Variants in TWNK observed in about 807,000 individuals in gnomAD.
The protein encoded by TWNK is twinkle mtDNA helicase.
TWNK carries 36 observed loss-of-function variants against 58.2 expected under a neutral mutation model. That is an observed-to-expected ratio of 0.62 (90% CI 0.47 to 0.82). TWNK has a LOEUF of 0.82. Among genes scored for constraint, TWNK ranks in the 40% least tolerant of loss-of-function variants. The pLI is 0.00. For synonymous variants in TWNK, 349 were observed against 348.5 expected, an observed-to-expected ratio of 1.00 and a Z score of -0.02; for missense variants, 714 against 881.0, an observed-to-expected ratio of 0.81 and a Z score of 2.40.
Position 100,993,555 on chromosome 10 carries a change from C to T in TWNK, c.*45C>T, listed in dbSNP as rs746422995. Reference sequence around the variant, plus strand: ...ACTGAAATGAGCCTGATAGGATAGGCTGGAGCATAAAACTCTGCAAGGGCT... The same window carrying T: ...ACTGAAATGAGCCTGATAGGATAGGTTGGAGCATAAAACTCTGCAAGGGCT... On this transcript the variant is annotated 3_prime_UTR_variant, in exon 5 of 5. Transcript: ENST00000311916. The T allele has an allele frequency of 6.2e-7, 1 of 1,602,112 alleles. No homozygotes were observed. Among genetic ancestry groups the T allele is most frequent in the South Asian group, 1.1e-5 (1 of 90,508 alleles).
At position 100,988,231 on chromosome 10, in the gene TWNK, T is replaced by G; in HGVS notation, c.21T>G (p.Ser7Arg). The G allele has an allele frequency of 6.2e-7, 1 of 1,614,154 alleles. No individual in the cohort carries two copies. Among genetic ancestry groups the G allele is most frequent in the Non-Finnish European group, 8.5e-7 (1 of 1,180,028 alleles). MWVLLRSGYPLRILLPL... is the reference protein window; with the variant it reads MWVLLRRGYPLRILLPL... Reference sequence around the variant, plus strand: ...TAGGAATGTGGGTCCTCCTCCGAAGTGGGTACCCCCTCCGTATCTTGTTAC... The same window carrying G: ...TAGGAATGTGGGTCCTCCTCCGAAGGGGGTACCCCCTCCGTATCTTGTTAC... Residue 7 changes from serine (S) to arginine (R), a missense_variant, in exon 1 of 5, where the codon AGT becomes AGG. By Grantham distance (110) the Ser-to-Arg change is moderately radical (BLOSUM62 -1). Coordinates refer to ENST00000311916, the MANE Select transcript of TWNK (RefSeq NM_021830.5). This position sits in a 1 kb window ranked among gnomAD's most constrained non-coding sequence, Gnocchi z 5.2.
Position 100,993,468 on chromosome 10 carries a change from C to T in TWNK, c.2013C>T (p.Ala671=), listed in dbSNP as rs1851842774. 6.2e-7 allele frequency: 1 copy of T among 1,614,136 alleles called. No homozygotes were observed. The highest frequency in any genetic ancestry group is 8.5e-7 in the Non-Finnish European group (1 of 1,180,022). Residue 671 remains alanine, a synonymous_variant, in exon 5 of 5, where the codon GCC becomes GCT. Transcript: ENST00000311916. ...ACTCTGAGATTTGCTCAGGCCAGGC[C>T]CCCACTCCCGACCAGCCAGACACCT... ...TQNSEICSGQ[A]PTPDQPDTSK...
Position 100,987,647 on chromosome 10 carries a change from TCGGAGTAGTAGAG to T in TWNK, c.-557_-545del, listed in dbSNP as rs1397448749. On this transcript the variant is annotated 5_prime_UTR_variant, in exon 1 of 5. Coordinates refer to ENST00000311916, the MANE Select transcript of TWNK (RefSeq NM_021830.5). ...GGGCTGGGGGCCGGCGCGGCGGAGC[TCGGAGTAGTAGAG>T]CGGAGTGAAGACACGGGGGAGGATA... The T allele has an allele frequency of 5.8e-6, 4 of 683,944 alleles. No individual in the cohort carries two copies. The highest frequency in any genetic ancestry group is 9.7e-6 in the Non-Finnish European group (4 of 414,226). The allele number at this position is 683,944 out of a possible 1,614,324, so 42.4% of individuals were successfully genotyped here.
In TWNK at chr10:100,993,597, C is replaced by G. The variant is rs563995859; in HGVS notation, c.*87C>G. ...GCAAGGGCTCCTCTATCCTGTGGTC[C>G]TGAGCTGTGTGCCCTTCTCAGTCTG... On this transcript the variant is annotated 3_prime_UTR_variant, in exon 5 of 5. Transcript: ENST00000311916. 123 of 1,450,334 alleles carry G rather than the reference C, an allele frequency of 8.5e-5. No homozygotes were observed. In the East Asian group the frequency reaches 2.9e-3, roughly 35 times the overall value. The allele number at this position is 1,450,334 out of a possible 1,614,324, so 89.8% of individuals were successfully genotyped here. A position where few individuals can be genotyped will look rare whatever the true frequency, so the allele number is the denominator to read the frequency against.
Position 100,993,422 on chromosome 10 carries a change from A to G in TWNK, c.1967A>G (p.Lys656Arg), listed in dbSNP as rs1055355481. 6.2e-7 allele frequency: 1 copy of G among 1,614,236 alleles called. No individual in the cohort carries two copies. Among genetic ancestry groups the G allele is most frequent in the Non-Finnish European group, 8.5e-7 (1 of 1,180,040 alleles). ...GTGGCCAAAAAGCCCTCTTCTGGCA[A>G]AAAGGGGGCTACGACACAGAACTCT... ...GPVAKKPSSG[K>R]KGATTQNSEI... is the part of the protein sequence containing the mutation. Residue 656 changes from lysine to arginine, a missense_variant, in exon 5 of 5, where the codon AAA becomes AGA. By Grantham distance (26) the Lys-to-Arg change is conservative (BLOSUM62 2). Around this residue, in one of 3 missense-constraint regions of TWNK, gnomAD observed 64 missense variants for 54.0 expected, o/e 1.19. Coordinates refer to ENST00000311916, the MANE Select transcript of TWNK (RefSeq NM_021830.5).
At position 100,989,060 on chromosome 10, in the gene TWNK, C is replaced by T; in HGVS notation, c.850C>T (p.Pro284Ser). 6.2e-7 allele frequency: 1 copy of T among 1,614,092 alleles called. No individual in the cohort carries two copies. The highest frequency in any genetic ancestry group is 8.5e-7 in the Non-Finnish European group (1 of 1,179,970). ...QSTGLPTLTL[P>S]RGTTCLPPAL... The stretch of plus-strand genomic sequence containing the variant: ...CACGGGGCTGCCTACCCTTACTCTA[C>T]CCCGAGGAACGACCTGCTTACCCCC... Residue 284 changes from proline to serine, a missense_variant, in exon 1 of 5, where the codon CCC becomes TCC. Pro to Ser is a moderately conservative substitution (Grantham distance 74). Transcript: ENST00000311916. The surrounding 1 kb of genome is among the most constrained non-coding windows in gnomAD (Gnocchi z 7.6).
Position 100,988,798 on chromosome 10 carries a change from A to G in TWNK, c.588A>G (p.Arg196=), listed in dbSNP as rs989405181. ...ACACACTCAAGCGTTTCAGTGTGCGATATCTGCGACCTGCTCGCAGTCTTG... is the reference window on the plus strand; with the variant it reads ...ACACACTCAAGCGTTTCAGTGTGCGGTATCTGCGACCTGCTCGCAGTCTTG... ...TDDTLKRFSV[R]YLRPARSLVF... Residue 196 remains arginine (R), a synonymous_variant, in exon 1 of 5, where the codon CGA becomes CGG. Transcript: ENST00000311916. This position sits in a 1 kb window ranked among gnomAD's most constrained non-coding sequence, Gnocchi z 5.2. 7 of 1,614,070 alleles carry G rather than the reference A, an allele frequency of 4.3e-6. No individual in the cohort carries two copies. The highest frequency in any genetic ancestry group is 5.9e-6 in the Non-Finnish European group (7 of 1,180,040).
Position 100,987,621 on chromosome 10 carries a change from G to A in TWNK, c.-590G>A, listed in dbSNP as rs1851603162. On this transcript the variant is annotated 5_prime_UTR_variant, in exon 1 of 5. Transcript: ENST00000311916. The stretch of plus-strand genomic sequence containing the variant: ...GTGGGAGAGAGAAAAGTGGTAACCT[G>A]GGGCTGGGGGCCGGCGCGGCGGAGC... 2.2e-6 allele frequency: 2 copies of A among 902,188 alleles called. No individual in the cohort carries two copies. The highest frequency in any genetic ancestry group is 2.9e-5 in the Admixed American group (1 of 34,622). The allele number at this position is 902,188 out of a possible 1,614,324, so 55.9% of individuals were successfully genotyped here. A position where few individuals can be genotyped will look rare whatever the true frequency, so the allele number is the denominator to read the frequency against.
chr10:100,990,714 G>A, intron 3 of TWNK, 155 bp from the exon 4 acceptor site: 1 of 1,583,350 alleles, frequency 6.3e-7, no homozygotes, highest in Non-Finnish European at 8.7e-7. Context: ...TATGGCAGCA[G>A]GATGTATGGA....
Position 100,989,909 on chromosome 10 carries a change from C to T in TWNK, c.1484+25C>T. 6.2e-7 allele frequency: 1 copy of T among 1,614,082 alleles called. No homozygotes were observed. Among genetic ancestry groups the T allele is most frequent in the Non-Finnish European group, 8.5e-7 (1 of 1,180,002 alleles). On this transcript the variant is annotated intron_variant, in intron 2 of 4. Transcript: ENST00000311916. This position sits in a 1 kb window ranked among gnomAD's most constrained non-coding sequence, Gnocchi z 7.6. Reference sequence around the variant, plus strand: ...GGTGAGACTCCCAGATTCCAGCCACCTTGCTTTCCCAGACATATCCCAGCA... The same window carrying T: ...GGTGAGACTCCCAGATTCCAGCCACTTTGCTTTCCCAGACATATCCCAGCA...
rs1851852344 is a variant in TWNK, at chr10:100,993,844, G to T, written c.*334G>T. ...AGTGAAAAATGCTGTAAAGAAAATA[G>T]AAATGCGATAGAGTGCTGGCAGGCT... On this transcript the variant is annotated 3_prime_UTR_variant, in exon 5 of 5. Transcript: ENST00000311916. 1.3e-5 allele frequency: 5 copies of T among 373,400 alleles called. No homozygotes were observed. Among genetic ancestry groups the T allele is most frequent in the South Asian group, 1.1e-4 (4 of 37,346 alleles). The allele number at this position is 373,400 out of a possible 1,614,324, so 23.1% of individuals were successfully genotyped here.
At chr10:100,991,171 C>G in intron 4 of TWNK, 161 bp downstream of exon 4, 1 of 1,067,712 alleles carries the variant, frequency 9.4e-7, no homozygotes, top group East Asian at 2.6e-5. Flanking sequence ...GCTGGAAATA[C>G]AAAGGCTGAT....
At position 100,989,976 on chromosome 10, in the gene TWNK, C is replaced by T. The variant is rs928138584; in HGVS notation, c.1484+92C>T. The T allele has an allele frequency of 4.7e-6, 7 of 1,503,902 alleles. No homozygotes were observed. Among genetic ancestry groups the T allele is most frequent in the Non-Finnish European group, 6.5e-6 (7 of 1,081,722 alleles). The allele number at this position is 1,503,902 out of a possible 1,614,324, so 93.2% of individuals were successfully genotyped here. On this transcript the variant is annotated intron_variant, in intron 2 of 4. Transcript: ENST00000311916. This position sits in a 1 kb window ranked among gnomAD's most constrained non-coding sequence, Gnocchi z 7.6. ...TCCTTTTCCAGCTCCAGTAGGAACT[C>T]CCCCATCTCCTTAGGTTTGGAGTTT...
Position 100,993,343 on chromosome 10 carries a change from A to G in TWNK, c.1888A>G (p.Ile630Val). The change falls in exon 5 of 5, where the codon ATT becomes GTT. Residue 630 changes from isoleucine to valine, a missense_variant. Ile to Val is a conservative substitution (Grantham distance 29). Around this residue, in one of 3 missense-constraint regions of TWNK, gnomAD observed 302 missense variants for 438.6 expected, o/e 0.69. Transcript: ENST00000311916. ...EFNKNSLTFS[I>V]PPKNKARLKK... Reference sequence around the variant, plus strand: ...CAACAAGAACTCCCTCACCTTCTCCATTCCACCAAAGAACAAGGCCCGGCT... The same window carrying G: ...CAACAAGAACTCCCTCACCTTCTCCGTTCCACCAAAGAACAAGGCCCGGCT... 6.2e-7 allele frequency: 1 copy of G among 1,614,214 alleles called. No individual in the cohort carries two copies. Among genetic ancestry groups the G allele is most frequent in the Non-Finnish European group, 8.5e-7 (1 of 1,180,046 alleles).
At position 100,990,809 on chromosome 10, in the gene TWNK, ATG is replaced by A. The variant is rs757752962; in HGVS notation, c.1593-56_1593-55del. On this transcript the variant is annotated intron_variant, in intron 3 of 4. Coordinates refer to ENST00000311916, the MANE Select transcript of TWNK (RefSeq NM_021830.5). ...GGGGAGATGTGAATGGATCAAGAGT[ATG>A]TGTATGTTCTTGTCCTTCTGTGTCT... 7.6e-5 allele frequency: 122 copies of A among 1,599,512 alleles called. 2 individuals carry two copies. In the South Asian group the frequency reaches 1.2e-3, roughly 16 times the overall value.
In TWNK at chr10:100,990,992, C is replaced by T. The variant is rs1851756489; in HGVS notation, c.1716C>T (p.Ser572=). The part of the protein sequence containing the change: ...EDDDKELQTA[S]IFGSAKASQE... ...ATGACAAGGAACTGCAGACAGCGTC[C>T]ATTTTTGGCTCAGCCAAAGTGAGTG... Residue 572 remains serine (S), a synonymous_variant, in exon 4 of 5, where the codon TCC becomes TCT. Coordinates refer to ENST00000311916, the MANE Select transcript of TWNK (RefSeq NM_021830.5). 6.2e-7 allele frequency: 1 copy of T among 1,614,110 alleles called. No homozygotes were observed. The highest frequency in any genetic ancestry group is 1.3e-5 in the African/African-American group (1 of 74,936).
intron 4 of TWNK, 98 bp downstream of exon 4, chr10:100,991,108 T>C: frequency 6.4e-7 from 1 of 1,569,694 alleles, no homozygotes; most frequent in Non-Finnish European, 8.7e-7. Context: ...TGACTGTCCA[T>C]CCGAACAGGC....
In TWNK at chr10:100,988,592, A is replaced by G; in HGVS notation, c.382A>G (p.Ser128Gly). The G allele has an allele frequency of 6.2e-7, 1 of 1,613,954 alleles. No individual in the cohort carries two copies. The part of the protein sequence containing the change: ...AEGSWEDFQA[S>G]VEGRGDGARE... Reference sequence around the variant, plus strand: ...AGGGAGCTGGGAAGACTTCCAGGCCAGCGTGGAGGGGCGAGGGGATGGGGC... The same window carrying G: ...AGGGAGCTGGGAAGACTTCCAGGCCGGCGTGGAGGGGCGAGGGGATGGGGC... The change falls in exon 1 of 5, where the codon AGC becomes GGC. Residue 128 changes from serine to glycine, a missense_variant. This residue lies in a region of TWNK where 348 missense variants were observed against 388.4 expected (regional missense o/e 0.90). Coordinates refer to ENST00000311916, the MANE Select transcript of TWNK (RefSeq NM_021830.5). This position sits in a 1 kb window ranked among gnomAD's most constrained non-coding sequence, Gnocchi z 5.2.
rs551531414 is a variant in TWNK at position 100,993,584 on chromosome 10, C to G, written c.*74C>G. Reference sequence around the variant, plus strand: ...AGCATAAAACTCTGCAAGGGCTCCTCTATCCTGTGGTCCTGAGCTGTGTGC... The same window carrying G: ...AGCATAAAACTCTGCAAGGGCTCCTGTATCCTGTGGTCCTGAGCTGTGTGC... On this transcript the variant is annotated 3_prime_UTR_variant, in exon 5 of 5. Transcript: ENST00000311916. 2 of 1,515,890 alleles carry G rather than the reference C, an allele frequency of 1.3e-6. No individual in the cohort carries two copies. Among genetic ancestry groups the G allele is most frequent in the South Asian group, 2.3e-5 (2 of 86,344 alleles). The allele number at this position is 1,515,890 out of a possible 1,614,324, so 93.9% of individuals were successfully genotyped here. A position where few individuals can be genotyped will look rare whatever the true frequency, so the allele number is the denominator to read the frequency against.
Sources: allele counts gnomAD v4.1 joint callset, GRCh38; gene constraint gnomAD v4.1.1; regional missense constraint gnomAD v4.1.1; non-coding constraint Gnocchi (gnomAD v3.1); transcripts MANE v1.5; gene names NCBI Gene and HGNC (gene_info 2026-07-23, HGNC 2026-07-21).